The following NR3C2 variants were observed in gnomAD, a reference collection of about 807,000 sequenced individuals.
The protein encoded by NR3C2 is nuclear receptor subfamily 3 group C member 2.
NR3C2 carries 15 observed loss-of-function variants against 86.4 expected under a neutral mutation model. That is an observed-to-expected ratio of 0.17 (90% CI 0.12 to 0.27). The LOEUF (loss-of-function observed/expected upper bound fraction) is 0.27. Among genes scored for constraint, NR3C2 ranks in the 10% least tolerant of loss-of-function variants. The pLI, the probability that NR3C2 is intolerant of heterozygous loss-of-function variation, is 1.00. For synonymous variants in NR3C2, 458 were observed against 450.5 expected (o/e 1.02, Z -0.21); for missense variants, 960 against 1,195.6 (o/e 0.80, Z 2.91).
At chr4:148,332,853 T>TAA (rs927072780) in intron 2 of NR3C2, among the ~76,000 whole-genome samples, 3 of 152,312 alleles carry the variant, frequency 2.0e-5, no homozygotes, top group Non-Finnish European at 2.9e-5. Context: ...GAGGGTGTGT[T>TAA]AGAGTGTGTA....
intron 2 of NR3C2, among the ~76,000 whole-genome samples, chr4:148,362,948 T>C (rs1224264933): frequency 6.6e-6 from 1 of 152,210 alleles, no homozygotes; most frequent in Admixed American, 6.5e-5. Context: ...TTTATTCCAT[T>C]TCTCTTTCTC....
intron 3 of NR3C2, among the ~76,000 whole-genome samples, chr4:148,198,424 G>A (rs778923939): frequency 6.6e-6 from 1 of 152,078 alleles, no homozygotes; most frequent in Non-Finnish European, 1.5e-5. Flanking sequence ...GTCTCTAAGC[G>A]TCAATAGCAT....
chr4:148,126,408 A>G (rs1011706607), intron 6 of NR3C2, among the ~76,000 whole-genome samples: 13 of 152,238 alleles, frequency 8.5e-5, no homozygotes, highest in Admixed American at 8.5e-4. Flanking sequence ...AAGTCTTAAA[A>G]TAAGTTTTCA....
intron 2 of NR3C2, among the ~76,000 whole-genome samples, chr4:148,377,858 A>C (rs781092202): frequency 6.6e-6 from 1 of 152,170 alleles, no homozygotes; most frequent in Non-Finnish European, 1.5e-5. Flanking sequence ...GGATATAAGC[A>C]TTAGGGCCTC....
At chr4:148,105,781 T>A (rs1165355931) in intron 8 of NR3C2, among the ~76,000 whole-genome samples, 1 of 152,248 alleles carries the variant, frequency 6.6e-6, no homozygotes, top group East Asian at 1.9e-4. Context: ...AAAAACCACA[T>A]GATTATCCCA....
chr4:148,343,922 A>T (rs747863466), intron 2 of NR3C2, among the ~76,000 whole-genome samples: 5 of 152,136 alleles, frequency 3.3e-5, no homozygotes, highest in Non-Finnish European at 5.9e-5. Context: ...AAAAATTCTG[A>T]GGCCAGTTGT....
intron 3 of NR3C2, among the ~76,000 whole-genome samples, chr4:148,246,093 TAAC>T (rs138674569): frequency 0.64 from 96,808 of 150,674 alleles, 31,441 homozygotes; most frequent in East Asian, 0.83. Flanking sequence ...TCAGATGCTA[TAAC>T]AACAACAACA....
chr4:148,338,855 C>T (rs549682817), intron 2 of NR3C2, among the ~76,000 whole-genome samples: 1 of 152,252 alleles, frequency 6.6e-6, no homozygotes, highest in Admixed American at 6.5e-5. Context: ...CCAAACAAAA[C>T]ACATCTCAGG....
chr4:148,341,710 A>AC (rs1206181764), intron 2 of NR3C2, among the ~76,000 whole-genome samples: 2 of 152,200 alleles, frequency 1.3e-5, no homozygotes, highest in African/African-American at 4.8e-5. Context: ...CACCACATGT[A>AC]CCCCCAACAT....
intron 2 of NR3C2, among the ~76,000 whole-genome samples, chr4:148,354,683 A>G: frequency 6.6e-6 from 1 of 152,226 alleles, no homozygotes. Flanking sequence ...CAATAATGGA[A>G]GATTAATATT....
intron 2 of NR3C2, among the ~76,000 whole-genome samples, chr4:148,351,573 T>C (rs1253243831): frequency 6.6e-6 from 1 of 152,200 alleles, no homozygotes; most frequent in African/African-American, 2.4e-5. Flanking sequence ...AAGAGCCCTC[T>C]ACAGACCCCA....
Position 148,080,826 on chromosome 4 carries a change from G to A in NR3C2, c.*518C>T, listed in dbSNP as rs1396134297. 13 of 424,996 alleles carry A rather than the reference G, an allele frequency of 3.1e-5. No homozygotes were observed. Among genetic ancestry groups the A allele is most frequent in the Admixed American group, 9.7e-5 (4 of 41,200 alleles). The allele number at this position is 424,996 out of a possible 1,614,324, so 26.3% of individuals were successfully genotyped here. A position where few individuals can be genotyped will look rare whatever the true frequency, so the allele number is the denominator to read the frequency against. ...GGCTCAGAGGCAGCTGCTGCCCCAC[G>A]CCACGAGTTCTGTTATTACACAACA... is the stretch of plus-strand genomic sequence containing the variant. On this transcript the variant is annotated 3_prime_UTR_variant, in exon 9 of 9. Transcript: ENST00000358102.
intron 2 of NR3C2, among the ~76,000 whole-genome samples, chr4:148,299,312 G>A (rs2149919457): frequency 6.6e-6 from 1 of 152,040 alleles, no homozygotes; most frequent in South Asian, 2.1e-4. Context: ...TTTTTTTTCT[G>A]AGGCTTTTTG....
intron 7 of NR3C2, among the ~76,000 whole-genome samples, chr4:148,116,692 C>A (rs144667385): frequency 6.6e-6 from 1 of 151,852 alleles, no homozygotes; most frequent in Non-Finnish European, 1.5e-5. Context: ...TTTTTTCCTA[C>A]CTTTTTATTT....
chr4:148,297,154 CAT>C (rs1455075144), intron 2 of NR3C2, among the ~76,000 whole-genome samples: 8 of 152,010 alleles, frequency 5.3e-5, no homozygotes, highest in Admixed American at 1.3e-4. Flanking sequence ...AAGAAAAAAA[CAT>C]ATGTAAGTGA....
At chr4:148,297,699 AT>A (rs1407098162) in intron 2 of NR3C2, among the ~76,000 whole-genome samples, 12 of 152,140 alleles carry the variant, frequency 7.9e-5, no homozygotes, top group Admixed American at 3.3e-4. Flanking sequence ...TATCTTAAAT[AT>A]TGGCTTCCAA....
At chr4:148,323,388 G>A (rs1482443604) in intron 2 of NR3C2, among the ~76,000 whole-genome samples, 2 of 148,564 alleles carry the variant, frequency 1.3e-5, no homozygotes, top group Admixed American at 6.7e-5. Flanking sequence ...AGGCCTCCTT[G>A]AGCTGTGGTG....
intron 3 of NR3C2, among the ~76,000 whole-genome samples, chr4:148,215,535 C>T (rs540258842): frequency 2.8e-4 from 43 of 152,254 alleles, no homozygotes; most frequent in Admixed American, 3.9e-4. Context: ...CAATGCCACA[C>T]GTGACCAAGG....
chr4:148,233,185 C>G (rs1738553248), intron 3 of NR3C2, among the ~76,000 whole-genome samples: 1 of 152,084 alleles, frequency 6.6e-6, no homozygotes, highest in Non-Finnish European at 1.5e-5. Flanking sequence ...AAGAACTTTT[C>G]CTTCTCATGT....
Sources: allele counts gnomAD v4.1 joint callset (sites outside exome capture counted in the v4.1 genomes callset), GRCh38; gene constraint gnomAD v4.1.1; transcripts MANE v1.5; gene names NCBI Gene and HGNC (gene_info 2026-07-23, HGNC 2026-07-21).